FMO4: variants seen among roughly 807,000 people sequenced by gnomAD.
FMO4 encodes flavin containing dimethylaniline monoxygenase 4, also known as dimethylaniline monooxygenase [N-oxide-forming] 4.
A neutral mutation model predicts 43.3 loss-of-function variants in FMO4; 38 were observed. The observed-to-expected ratio is 0.88, with a 90% CI of 0.68 to 1.15. FMO4 has a LOEUF of 1.15. Ranked by LOEUF, FMO4 falls within the 50% of genes most tolerant of loss-of-function variation. The probability of loss-of-function intolerance (pLI) is 0.00; values close to 1 mark genes in which losing one functional copy is unlikely to be tolerated. For synonymous variants in FMO4, 224 were observed against 232.2 expected, an observed-to-expected ratio of 0.96 and a Z score of 0.32; for missense variants, 631 against 663.3, an observed-to-expected ratio of 0.95 and a Z score of 0.54.
chr1:171,333,546 A>T lies in FMO4; in HGVS notation c.827+638A>T, dbSNP rs573821627. ...GCCAAAATGATATATTTTAATATAC[A>T]TCTGTATAGAGTTGCACATTGGCAA... On this transcript the variant is annotated intron_variant, in intron 7 of 9. Transcript: ENST00000367749. Among the ~76,000 whole-genome samples, 103 of 152,260 alleles carry T rather than the reference A, an allele frequency of 6.8e-4. No individual in the cohort carries two copies. In the Middle Eastern group the frequency reaches 0.01, roughly 15 times the overall value.
In FMO4 at chr1:171,331,706, G is replaced by A; in HGVS notation, c.551G>A (p.Gly184Asp). 1 of 1,613,856 alleles carries A rather than the reference G, an allele frequency of 6.2e-7. No homozygotes were observed. Among genetic ancestry groups the A allele is most frequent in the Middle Eastern group, 1.7e-4 (1 of 6,060 alleles). The change falls in exon 6 of 10, where the codon GGC (glycine) becomes GAC (aspartate). Residue 184 changes from glycine (G) to aspartate (D), a missense_variant. Transcript: ENST00000367749. Reference protein sequence around the residue: ...QEYKIPEGFQGKRVLVIGLGN... With the variant: ...QEYKIPEGFQDKRVLVIGLGN... ...TACAAGATCCCAGAAGGCTTTCAGG[G>A]CAAACGCGTCTTGGTGATTGGTCTT...
Position 171,324,280 on chromosome 1 carries a change from T to G in FMO4, c.464T>G (p.Leu155Ter). The G allele has an allele frequency of 6.2e-7, 1 of 1,610,418 alleles. No homozygotes were observed. The highest frequency in any genetic ancestry group is 8.5e-7 in the Non-Finnish European group (1 of 1,178,316). ...ACTGGACATTTCCTGAATCCCCATT[T>G]ACCTTTGGAAGCCTTTCCTGGTGAG... is the stretch of plus-strand genomic sequence containing the variant. Reference protein sequence around the residue: ...VCTGHFLNPHLPLEAFPGIHK... With the variant: ...VCTGHFLNPH Residue 155 changes from leucine (L) to a stop codon, truncating the protein, a stop_gained, in exon 5 of 10, where the codon TTA becomes TGA. Transcript: ENST00000367749. LOFTEE classifies it high-confidence loss of function.
intron 5 of FMO4, among the ~76,000 whole-genome samples, chr1:171,328,971 A>T (rs1279461982): frequency 1.3e-5 from 2 of 152,220 alleles, no homozygotes; most frequent in African/African-American, 4.8e-5. Flanking sequence ...TTCAGGCAAT[A>T]GTCAAAATGT....
intron 3 of FMO4, among the ~76,000 whole-genome samples, chr1:171,320,236 G>A (rs1662357119): frequency 1.3e-5 from 2 of 152,154 alleles, no homozygotes; most frequent in South Asian, 4.1e-4. Context: ...GATGATTTCT[G>A]GACCATGGAC....
chr1:171,315,007 C>T (rs1048102720), intron 1 of FMO4, among the ~76,000 whole-genome samples: 2 of 152,060 alleles, frequency 1.3e-5, no homozygotes, highest in Non-Finnish European at 2.9e-5. Flanking sequence ...TATAAGCAAC[C>T]TATGGCTGGC....
chr1:171,326,146 T>C (rs2284131), intron 5 of FMO4, among the ~76,000 whole-genome samples: 39,333 of 151,992 alleles, frequency 0.26, 8,207 homozygotes, highest in African/African-American at 0.58. Context: ...TTTAAGATTC[T>C]GTTTCTGCTT....
rs372240786 is a variant in FMO4 at position 171,322,968 on chromosome 1, C to T, written c.133-36C>T. ...ATCTCTGTTCTCTTCCTCCTATCTC[C>T]ATTATCCCAACAAGCTAACTATGCC... is the stretch of plus-strand genomic sequence containing the variant. On this transcript the variant is annotated intron_variant, in intron 3 of 9. Transcript: ENST00000367749. 5 of 1,542,406 alleles carry T rather than the reference C, an allele frequency of 3.2e-6. No homozygotes were observed. The African/African-American group carries it at 6.8e-5, about 21-fold the overall frequency.
intron 5 of FMO4, among the ~76,000 whole-genome samples, chr1:171,327,581 A>C (rs948061188): frequency 9.9e-5 from 15 of 152,158 alleles, no homozygotes; most frequent in Non-Finnish European, 1.6e-4. Flanking sequence ...AAATTGAATA[A>C]TACTATGGTC....
In FMO4 at chr1:171,334,678, A is replaced by G; in HGVS notation, c.1095A>G (p.Leu365=). The G allele has an allele frequency of 6.2e-7, 1 of 1,613,834 alleles. No individual in the cohort carries two copies. Among genetic ancestry groups the G allele is most frequent in the Non-Finnish European group, 8.5e-7 (1 of 1,179,854 alleles). Reference sequence around the variant, plus strand: ...CCTTAAACCTAGAGAGAGCGACATTAGCCATCATCGGCCTTATCGGCCTTA... The same window carrying G: ...CCTTAAACCTAGAGAGAGCGACATTGGCCATCATCGGCCTTATCGGCCTTA... ...VFPLNLERAT[L]AIIGLIGLKG... Residue 365 remains leucine, a synonymous_variant, in exon 8 of 10, where the codon TTA becomes TTG. Transcript: ENST00000367749.
At chr1:171,319,672 C>G in intron 2 of FMO4, 146 bp from the exon 3 acceptor site, 1 of 638,894 alleles carries the variant, frequency 1.6e-6, no homozygotes, top group Non-Finnish European at 2.7e-6. Flanking sequence ...GATTTCAGAG[C>G]CTGGATTTTT....
At chr1:171,337,484 A>T (rs1663169969) in intron 9 of FMO4, 59 bp downstream of exon 9, 2 of 1,200,966 alleles carry the variant, frequency 1.7e-6, no homozygotes, top group Non-Finnish European at 2.5e-6. Context: ...CAAAAAAAGG[A>T]TTCAGAGTAT....
At chr1:171,331,166 T>A (rs1662886123) in intron 5 of FMO4, among the ~76,000 whole-genome samples, 1 of 152,194 alleles carries the variant, frequency 6.6e-6, no homozygotes, top group African/African-American at 2.4e-5. Flanking sequence ...ATCAACAACC[T>A]ACTGTTTTTA....
At position 171,337,272 on chromosome 1, in the gene FMO4, G is replaced by T. The variant is rs879212192; in HGVS notation, c.1181-84G>T. ...CATGTGCTCTGAAGTTAGAGCAGTG[G>T]GAGGCTAGAAATGAGTGGGTGGAGA... is the stretch of plus-strand genomic sequence containing the variant. On this transcript the variant is annotated intron_variant, in intron 8 of 9. Transcript: ENST00000367749. The T allele has an allele frequency of 3.4e-6, 3 of 875,778 alleles. No homozygotes were observed. In the South Asian group the frequency reaches 4.0e-5, roughly 12 times the overall value. 54.3% of individuals were successfully genotyped at this position (875,778 alleles called of 1,614,324 possible). A position where few individuals can be genotyped will look rare whatever the true frequency, so the allele number is the denominator to read the frequency against.
chr1:171,334,395 C>T lies in FMO4; in HGVS notation c.828-16C>T. The T allele has an allele frequency of 2.1e-6, 3 of 1,461,412 alleles. No homozygotes were observed. The highest frequency in any genetic ancestry group is 2.8e-6 in the Non-Finnish European group (3 of 1,076,292). The allele number at this position is 1,461,412 out of a possible 1,614,324, so 90.5% of individuals were successfully genotyped here. ...AAAAATAACTACAGTGAATAATTTT[C>T]TCCTGTGTGTCAAAGGAAAAAAGCA... On this transcript the variant is annotated splice_polypyrimidine_tract_variant and intron_variant, in intron 7 of 9. Transcript: ENST00000367749.
At chr1:171,316,001 A>G (rs1286896624) in intron 1 of FMO4, among the ~76,000 whole-genome samples, 185 bp from the exon 2 acceptor site, 1 of 152,124 alleles carries the variant, frequency 6.6e-6, no homozygotes, top group African/African-American at 2.4e-5. Flanking sequence ...AGACTTTACT[A>G]CTATTTCTTA....
At chr1:171,325,817 C>CCTTTTTT (rs1662635649) in intron 5 of FMO4, among the ~76,000 whole-genome samples, 1 of 50,988 alleles carries the variant, frequency 2.0e-5, no homozygotes, top group African/African-American at 6.3e-5. Flanking sequence ...ATAGACTATC[C>CCTTTTTT]TTTTTTTTTT....
chr1:171,341,748 T>A lies in FMO4; in HGVS notation c.1586T>A (p.Leu529His). The A allele has an allele frequency of 6.2e-7, 1 of 1,613,812 alleles. No homozygotes were observed. Among genetic ancestry groups the A allele is most frequent in the Non-Finnish European group, 8.5e-7 (1 of 1,179,878 alleles). The change falls in exon 10 of 10, where the codon CTT becomes CAT. Residue 529 changes from leucine to histidine, a missense_variant. Coordinates refer to ENST00000367749, the MANE Select transcript of FMO4 (RefSeq NM_002022.3). Reference protein sequence around the residue: ...GAPVLLASLLLICKSSLFLKL... With the variant: ...GAPVLLASLLHICKSSLFLKL... ...CCTGTCCTACTTGCCTCTCTTCTAC[T>A]TATCTGTAAATCTTCACTTTTCTTG... is the stretch of plus-strand genomic sequence containing the variant.
intron 2 of FMO4, among the ~76,000 whole-genome samples, chr1:171,319,199 G>C (rs569653490): frequency 2.6e-5 from 4 of 152,188 alleles, no homozygotes; most frequent in East Asian, 1.9e-4. Flanking sequence ...GGGCTTGCTG[G>C]GGAGCTGGAA....
chr1:171,328,333 G>A (rs982685963), intron 5 of FMO4, among the ~76,000 whole-genome samples: 4 of 151,810 alleles, frequency 2.6e-5, no homozygotes, highest in Admixed American at 1.3e-4. Flanking sequence ...GTGAGCCACC[G>A]CACCCAGCCA....
Sources: gnomAD v4.1 joint callset for allele counts (sites outside exome capture counted in the v4.1 genomes callset) on GRCh38, gnomAD v4.1.1 for gene constraint, MANE v1.5 for transcripts, NCBI Gene and HGNC (gene_info 2026-07-23, HGNC 2026-07-21) for gene names.